Variants in SGCD observed in about 807,000 individuals in gnomAD.
SGCD encodes the protein sarcoglycan delta.
Under a neutral mutation model 36.6 loss-of-function variants are expected in SGCD, and 18 were observed. The ratio of observed to expected loss-of-function variants is 0.49; its 90% CI spans 0.34 to 0.73. SGCD has a LOEUF of 0.73. SGCD is among the 30% of genes least tolerant of loss of function. SGCD has a pLI of 0.01. For missense variants in SGCD, 387 were observed against 346.7 expected (o/e 1.12, Z -0.92); for synonymous variants, 133 against 130.6 (o/e 1.02, Z -0.12).
intron 6 of SGCD, among the ~76,000 whole-genome samples, chr5:156,623,055 T>C (rs1022447283): frequency 6.6e-6 from 1 of 152,184 alleles, no homozygotes; most frequent in African/African-American, 2.4e-5. Flanking sequence ...TTGTATGTTT[T>C]ATATGTATAT....
intron 3 of SGCD, among the ~76,000 whole-genome samples, chr5:156,348,598 G>A (rs142316389): frequency 0.013 from 2,004 of 152,148 alleles, 49 homozygotes; most frequent in African/African-American, 0.046. Context: ...AAAAGAAATC[G>A]TGGAAGACAC....
chr5:156,499,824 G>T (rs533384822), intron 3 of SGCD, among the ~76,000 whole-genome samples: 28 of 152,108 alleles, frequency 1.8e-4, no homozygotes, highest in Non-Finnish European at 3.8e-4. Flanking sequence ...TGTCTGAGGA[G>T]CTACGAAGAA....
chr5:155,973,186 A>G (rs1758041377), intron 1 of SGCD, among the ~76,000 whole-genome samples: 1 of 152,206 alleles, frequency 6.6e-6, no homozygotes, highest in Non-Finnish European at 1.5e-5. Flanking sequence ...AACTCATCAG[A>G]CTTGAGTAAT....
chr5:156,545,721 C>T (rs554296861), intron 4 of SGCD, among the ~76,000 whole-genome samples: 10 of 152,276 alleles, frequency 6.6e-5, no homozygotes, highest in Admixed American at 1.3e-4. Flanking sequence ...TCCCTGTACC[C>T]GTCTTCGGCC....
At chr5:156,083,763 T>C (rs1761026302) in intron 1 of SGCD, among the ~76,000 whole-genome samples, 1 of 152,096 alleles carries the variant, frequency 6.6e-6, no homozygotes, top group South Asian at 2.1e-4. Flanking sequence ...AAGTGTGAGC[T>C]TTAGATCAGG....
rs971778871 is a variant in SGCD at position 155,898,065 on chromosome 5, G to A, written c.-282+27641G>A. On this transcript the variant is annotated intron_variant, in intron 1 of 9. Coordinates refer to the SGCD transcript ENST00000517913. ...ATCCAGATTCTTTTGGTTTGGACTC[G>A]GAAATTCAACTTCTTTTCCATTGAC... Among the ~76,000 whole-genome samples, 10 of 152,256 alleles carry A rather than the reference G, an allele frequency of 6.6e-5. No homozygotes were observed. The South Asian group carries it at 1.0e-3, about 16-fold the overall frequency.
the SGCD span, among the ~76,000 whole-genome samples, chr5:155,850,422 G>C: frequency 1.3e-5 from 2 of 151,876 alleles, no homozygotes; most frequent in African/African-American, 4.8e-5. Flanking sequence ...CAGAGACAGA[G>C]AGAGAGAGAG....
At chr5:155,883,409 T>C (rs955596685) in intron 1 of SGCD, among the ~76,000 whole-genome samples, 9 of 152,216 alleles carry the variant, frequency 5.9e-5, no homozygotes, top group African/African-American at 2.2e-4. Context: ...TTTGATTTAA[T>C]GTAAGAGACA....
At chr5:156,614,660 G>A (rs916627882) in intron 6 of SGCD, among the ~76,000 whole-genome samples, 3 of 152,136 alleles carry the variant, frequency 2.0e-5, no homozygotes, top group African/African-American at 7.2e-5. Context: ...CACATTTACA[G>A]ATGTCCTACA....
At chr5:155,743,288 G>A in the SGCD span, among the ~76,000 whole-genome samples, 6 of 152,172 alleles carry the variant, frequency 3.9e-5, no homozygotes, top group Non-Finnish European at 8.8e-5. Context: ...TAGAACAAAA[G>A]ATGCTCCTAT....
the SGCD span, among the ~76,000 whole-genome samples, chr5:155,855,592 T>C: frequency 2.6e-5 from 4 of 152,218 alleles, no homozygotes; most frequent in Admixed American, 1.3e-4. Context: ...GAGTTCCACA[T>C]TGATCGGCTA....
rs111949157 is a variant in SGCD at position 156,371,768 on chromosome 5, G to A, written c.192+27091G>A. On this transcript the variant is annotated intron_variant, in intron 3 of 8. Transcript: ENST00000337851. ...ATAAATGTTCCCCCATCGTCATTAG[G>A]AAGATATATTCAGTGCCCCATGATA... Among the ~76,000 whole-genome samples the A allele has an allele frequency of 3.1e-3, 467 of 152,280 alleles. 6 individuals carry two copies. The highest frequency in any genetic ancestry group is 0.011 in the African/African-American group (442 of 41,544).
At chr5:156,033,514 C>T (rs1199069361) in intron 1 of SGCD, among the ~76,000 whole-genome samples, 1 of 152,084 alleles carries the variant, frequency 6.6e-6, no homozygotes, top group Non-Finnish European at 1.5e-5. Context: ...TCTGAGTTAT[C>T]TCACTGAGGG....
chr5:156,605,818 C>G (rs1440223160), intron 6 of SGCD, among the ~76,000 whole-genome samples: 1 of 152,180 alleles, frequency 6.6e-6, no homozygotes, highest in Non-Finnish European at 1.5e-5. Context: ...AACATTTTTT[C>G]ATGTGTCTTT....
At chr5:156,746,332 C>A (rs766132639) in intron 7 of SGCD, among the ~76,000 whole-genome samples, 16 of 152,122 alleles carry the variant, frequency 1.1e-4, no homozygotes, top group Non-Finnish European at 1.5e-4. Context: ...TCCAGAAAAA[C>A]AAAACTGGGG....
At chr5:156,243,466 T>A (rs976498678) in intron 3 of SGCD, among the ~76,000 whole-genome samples, 3 of 152,036 alleles carry the variant, frequency 2.0e-5, no homozygotes, top group Non-Finnish European at 2.9e-5. Flanking sequence ...GAGTAAAAAA[T>A]ATGGAAAAGA....
intron 3 of SGCD, among the ~76,000 whole-genome samples, chr5:156,230,845 A>G (rs1374006540): frequency 6.6e-6 from 1 of 152,182 alleles, no homozygotes; most frequent in Non-Finnish European, 1.5e-5. Context: ...GTAACTGTTT[A>G]GTGGTCAGAT....
At chr5:156,051,356 C>T (rs1307794883) in intron 1 of SGCD, among the ~76,000 whole-genome samples, 1 of 145,840 alleles carries the variant, frequency 6.9e-6, no homozygotes, top group East Asian at 1.9e-4. Flanking sequence ...TTCATAAGTA[C>T]CCTGGTTAAT....
chr5:156,141,272 C>T (rs190245700), intron 3 of SGCD, among the ~76,000 whole-genome samples: 89 of 151,306 alleles, frequency 5.9e-4, no homozygotes, highest in Non-Finnish European at 1.0e-3. Context: ...CTAACAAACA[C>T]GAGACCGGGT....
Sources: gnomAD v4.1 joint callset for allele counts (sites outside exome capture counted in the v4.1 genomes callset) on GRCh38, gnomAD v4.1.1 for gene constraint, MANE v1.5 for transcripts, NCBI Gene and HGNC (gene_info 2026-07-23, HGNC 2026-07-21) for gene names.